The following ZNF208 variants were observed in gnomAD, a reference collection of about 807,000 sequenced individuals.
ZNF208 encodes the protein zinc finger protein 208, also known as zinc finger protein 95.
ZNF208 carries 10 observed loss-of-function variants against 12.1 expected under a neutral mutation model. The ratio of observed to expected loss-of-function variants is 0.83; its 90% CI spans 0.51 to 1.40. The LOEUF (loss-of-function observed/expected upper bound fraction) is 1.40, where lower values mean the gene tolerates loss of function less well. ZNF208 is among the 40% of genes most tolerant of loss of function. ZNF208 has a pLI of 0.00. For missense variants in ZNF208, 1,652 were observed against 1,485.0 expected, an observed-to-expected ratio of 1.11 and a Z score of -1.85; for synonymous variants, 497 against 488.4, an observed-to-expected ratio of 1.02 and a Z score of -0.23.
chr19:21,989,552 T>C (rs2145568837), intron 1 of ZNF208, among the ~76,000 whole-genome samples: 1 of 152,206 alleles, frequency 6.6e-6, no homozygotes, highest in African/African-American at 2.4e-5. Context: ...TACGTGTGCA[T>C]GTGTCTTTAT....
In ZNF208 at chr19:21,957,141, G is replaced by T. The variant is rs531768461; in HGVS notation, c.305+17588C>A. On this transcript the variant is annotated intron_variant, in intron 4 of 4. Coordinates refer to the ZNF208 transcript ENST00000599916. Reference sequence around the variant, plus strand: ...TGCAACCTCTGCCTCCCAGGTTCAAGTGATTCTCCTGCCTCAGCTTCCAGA... The same window carrying T: ...TGCAACCTCTGCCTCCCAGGTTCAATTGATTCTCCTGCCTCAGCTTCCAGA... 3.9e-5 allele frequency among the ~76,000 whole-genome samples: 6 copies of T among 152,296 alleles called. No individual in the cohort carries two copies. The South Asian group carries it at 1.2e-3, about 32-fold the overall frequency.
At position 21,973,183 on chromosome 19, in the gene ZNF208, G is replaced by A. The variant is rs1970343379; in HGVS notation, c.1851C>T (p.Thr617=). 6.2e-7 allele frequency: 1 copy of A among 1,612,062 alleles called. No individual in the cohort carries two copies. Among genetic ancestry groups the A allele is most frequent in the Non-Finnish European group, 8.5e-7 (1 of 1,179,454 alleles). Residue 617 remains threonine (T), a synonymous_variant, in exon 4 of 4, where the codon ACC becomes ACT. Coordinates refer to ENST00000397126, the MANE Select transcript of ZNF208 (RefSeq NM_007153.3). ...KPYKCEECGK[T]FSKVSTLTTH... is the part of the protein sequence containing the mutation. ...TAGTAAGGGTTGAGACCTTACTAAA[G>A]GTTTTGCCACATTCTTCACATTTGT...
At chr19:21,984,172 C>T (rs1199583611) in intron 3 of ZNF208, among the ~76,000 whole-genome samples, 1 of 152,064 alleles carries the variant, frequency 6.6e-6, no homozygotes, top group Non-Finnish European at 1.5e-5. Context: ...AGAAGTCTTA[C>T]CAAGTTTTTT....
downstream of ZNF208, among the ~76,000 whole-genome samples, chr19:21,963,949 A>G (rs1309157748): frequency 2.0e-5 from 3 of 151,926 alleles, no homozygotes; most frequent in African/African-American, 7.2e-5. Flanking sequence ...ACTATAGTAA[A>G]CTATAAAGTA....
intron 3 of ZNF208, among the ~76,000 whole-genome samples, chr19:21,980,063 C>T (rs1253960725): frequency 1.3e-5 from 2 of 151,780 alleles, no homozygotes; most frequent in African/African-American, 4.8e-5. Flanking sequence ...ACAGGAGCAC[C>T]GAGAATCATA....
intron 3 of ZNF208, among the ~76,000 whole-genome samples, chr19:21,977,698 T>C (rs1163850934): frequency 6.6e-6 from 1 of 152,066 alleles, no homozygotes; most frequent in Non-Finnish European, 1.5e-5. Context: ...TTTTCCCCCA[T>C]ACCCCAGTAG....
At chr19:21,976,840 C>T (rs1480837815) in intron 3 of ZNF208, among the ~76,000 whole-genome samples, 4 of 152,314 alleles carry the variant, frequency 2.6e-5, no homozygotes, top group African/African-American at 9.6e-5. Context: ...GGATTACAGG[C>T]ATGAGCCACC....
downstream of ZNF208, among the ~76,000 whole-genome samples, chr19:21,964,428 G>T (rs867538922): frequency 6.6e-6 from 1 of 151,392 alleles, no homozygotes; most frequent in East Asian, 1.9e-4. Flanking sequence ...TTAAATAAAT[G>T]ATTTCCTTCA....
In ZNF208 at chr19:21,959,070, T is replaced by C. The variant is rs150496438; in HGVS notation, c.305+15659A>G. 6.0e-3 allele frequency among the ~76,000 whole-genome samples: 916 copies of C among 151,834 alleles called. 8 individuals carry two copies. Among genetic ancestry groups the C allele is most frequent in the African/African-American group, 0.02 (830 of 41,394 alleles). On this transcript the variant is annotated intron_variant, in intron 4 of 4. Coordinates refer to the ZNF208 transcript ENST00000599916. ...GCACTCCACCCTGGGTGACAGAGAC[T>C]CAGTCTCATGATTAAAAAAAAAAAG...
Position 21,971,179 on chromosome 19 carries a change from T to G in ZNF208, c.*12A>C. 6.2e-7 allele frequency: 1 copy of G among 1,612,518 alleles called. No homozygotes were observed. The highest frequency in any genetic ancestry group is 8.5e-7 in the Non-Finnish European group (1 of 1,179,630). ...AGGGCCACTTATAGGCTTTGCCACATTCTTCACATTTCTAGAGTTTCTCTC... is the reference window on the plus strand; with the variant it reads ...AGGGCCACTTATAGGCTTTGCCACAGTCTTCACATTTCTAGAGTTTCTCTC... On this transcript the variant is annotated 3_prime_UTR_variant, in exon 4 of 4. Coordinates refer to ENST00000397126, the MANE Select transcript of ZNF208 (RefSeq NM_007153.3).
chr19:22,008,321 A>T (rs1468967881), intron 1 of ZNF208, among the ~76,000 whole-genome samples: 1 of 150,252 alleles, frequency 6.7e-6, no homozygotes, highest in Non-Finnish European at 1.5e-5. Flanking sequence ...AAAAAAGAAA[A>T]AAAAAACTGA....
Position 21,972,580 on chromosome 19 carries a change from T to G in ZNF208, c.2454A>C (p.Ser818=), listed in dbSNP as rs376704751. The part of the protein sequence containing the change: ...EECGKTFSKV[S]TLTTHKAIHA... The stretch of plus-strand genomic sequence containing the variant: ...GAATTGCCTTATGTGTAGTAAGGGT[T>G]GAGACCTTACTAAAGGTTTTGCCAC... The change falls in exon 4 of 4, where the codon TCA becomes TCC. Residue 818 remains serine, a synonymous_variant. Transcript: ENST00000397126. The G allele has an allele frequency of 1.3e-4, 217 of 1,613,098 alleles. No individual in the cohort carries two copies. Among genetic ancestry groups the G allele is most frequent in the Non-Finnish European group, 1.8e-4 (210 of 1,179,824 alleles).
chr19:21,997,383 G>C (rs151168581), intron 1 of ZNF208, among the ~76,000 whole-genome samples: 1 of 152,112 alleles, frequency 6.6e-6, no homozygotes, highest in East Asian at 1.9e-4. Flanking sequence ...CTTGAACCCC[G>C]GTGCCTACTG....
intron 1 of ZNF208, among the ~76,000 whole-genome samples, chr19:21,993,712 C>A (rs1048603982): frequency 3.9e-5 from 6 of 152,030 alleles, no homozygotes; most frequent in African/African-American, 1.4e-4. Flanking sequence ...AAATGAGGCA[C>A]AATGCAGAGT....
chr19:21,982,899 A>G (rs1347723805), intron 3 of ZNF208, among the ~76,000 whole-genome samples: 1 of 152,238 alleles, frequency 6.6e-6, no homozygotes, highest in Non-Finnish European at 1.5e-5. Flanking sequence ...AACACTGCAA[A>G]CCATAAAAAC....
chr19:21,952,839 A>T (rs1488623979), intron 4 of ZNF208, among the ~76,000 whole-genome samples: 1 of 152,224 alleles, frequency 6.6e-6, no homozygotes, highest in African/African-American at 2.4e-5. Context: ...TGACAGAAGT[A>T]GGCTTCAGAA....
intron 4 of ZNF208, among the ~76,000 whole-genome samples, chr19:21,950,153 G>C (rs1043002449): frequency 6.6e-6 from 1 of 152,066 alleles, no homozygotes; most frequent in Non-Finnish European, 1.5e-5. Flanking sequence ...AATGAAAAGC[G>C]AATATCCAAG....
downstream of ZNF208, among the ~76,000 whole-genome samples, chr19:21,963,781 G>T (rs1264612201): frequency 2.0e-5 from 3 of 151,864 alleles, no homozygotes; most frequent in East Asian, 1.9e-4. Flanking sequence ...ACAGTCTGGG[G>T]CTATAATAGT....
chr19:21,975,823 CAAAAAA>C (rs532995268), intron 3 of ZNF208, among the ~76,000 whole-genome samples: 3 of 26,430 alleles, frequency 1.1e-4, no homozygotes, highest in African/African-American at 3.8e-4. Context: ...AGTCAAAGTC[CAAAAAA>C]AAAAAAAAAA....
Sources: gnomAD v4.1 joint callset for allele counts (sites outside exome capture counted in the v4.1 genomes callset) on GRCh38, gnomAD v4.1.1 for gene constraint, MANE v1.5 for transcripts, NCBI Gene and HGNC (gene_info 2026-07-23, HGNC 2026-07-21) for gene names.